AFG1L: variants seen among roughly 807,000 people sequenced by gnomAD.
The protein encoded by AFG1L is AFG1 like ATPase.
In AFG1L, 53 loss-of-function variants were observed where a neutral mutation model predicts 62.2. That is an observed-to-expected ratio of 0.85 (90% CI 0.68 to 1.07). The LOEUF (loss-of-function observed/expected upper bound fraction) is 1.07, where lower values mean the gene tolerates loss of function less well. AFG1L is among the 50% of genes least tolerant of loss of function. The pLI is 0.00. For synonymous variants in AFG1L, 228 were observed against 210.3 expected, an observed-to-expected ratio of 1.08 and a Z score of -0.73; for missense variants, 555 against 590.5, an observed-to-expected ratio of 0.94 and a Z score of 0.62.
At chr6:108,310,979 A>G (rs1015037190) in intron 1 of AFG1L, among the ~76,000 whole-genome samples, 1 of 152,160 alleles carries the variant, frequency 6.6e-6, no homozygotes, top group Non-Finnish European at 1.5e-5. Context: ...ATGCTGAAAG[A>G]TTAAGATAGT....
chr6:108,429,826 C>T (rs1389356255), intron 7 of AFG1L, among the ~76,000 whole-genome samples: 1 of 151,904 alleles, frequency 6.6e-6, no homozygotes, highest in African/African-American at 2.4e-5. Context: ...CTTTGCTGCC[C>T]AAAGCAATTC....
At position 108,465,808 on chromosome 6, in the gene AFG1L, TTTTG is replaced by T. The variant is rs1418663827; in HGVS notation, c.891-11053_891-11050del. 6.6e-5 allele frequency among the ~76,000 whole-genome samples: 10 copies of T among 152,156 alleles called. 1 individual carries two copies. The highest frequency in any genetic ancestry group is 3.8e-4 in the East Asian group (2 of 5,198). ...TGAGAAAATGTTTCTAGATTAACTA[TTTTG>T]TTTATTTTTAATTTTTAATTAGTTC... On this transcript the variant is annotated intron_variant, in intron 8 of 12. Coordinates refer to ENST00000368977, the MANE Select transcript of AFG1L (RefSeq NM_145315.5).
rs147235452 is a variant in AFG1L at position 108,438,526 on chromosome 6, C to G, written c.808-8688C>G. ...TTTCAACATGAATTTTGGGGAGATG[C>G]AATTAAGCCCATAATATTACTTTTT... is the stretch of plus-strand genomic sequence containing the variant. On this transcript the variant is annotated intron_variant, in intron 7 of 12. Coordinates refer to ENST00000368977, the MANE Select transcript of AFG1L (RefSeq NM_145315.5). 6.5e-3 allele frequency among the ~76,000 whole-genome samples: 985 copies of G among 152,132 alleles called. 5 individuals carry two copies. The highest frequency in any genetic ancestry group is 0.019 in the African/African-American group (808 of 41,504).
chr6:108,326,943 G>A (rs954085696), intron 2 of AFG1L, among the ~76,000 whole-genome samples: 4 of 150,684 alleles, frequency 2.7e-5, no homozygotes, highest in East Asian at 1.9e-4. Flanking sequence ...GTGAGACTCC[G>A]TCTCAAAAAA....
intron 6 of AFG1L, among the ~76,000 whole-genome samples, chr6:108,371,271 ATGT>A (rs1271316490): frequency 3.9e-5 from 6 of 152,296 alleles, no homozygotes; most frequent in African/African-American, 1.4e-4. Context: ...GACACTAGAA[ATGT>A]TGTTTAAAAT....
chr6:108,421,945 G>C (rs917107946), intron 7 of AFG1L, among the ~76,000 whole-genome samples: 2 of 152,058 alleles, frequency 1.3e-5, no homozygotes, highest in Non-Finnish European at 2.9e-5. Flanking sequence ...ACATGAAAAA[G>C]ATGCTTGCTA....
chr6:108,417,049 A>C (rs550285519), intron 7 of AFG1L, among the ~76,000 whole-genome samples: 8 of 151,936 alleles, frequency 5.3e-5, no homozygotes, highest in African/African-American at 1.9e-4. Flanking sequence ...CCTGGGCAAC[A>C]TGGCAAGACC....
At position 108,454,035 on chromosome 6, in the gene AFG1L, G is replaced by A. The variant is rs1772160833; in HGVS notation, c.890+6739G>A. Among the ~76,000 whole-genome samples the A allele has an allele frequency of 1.3e-5, 2 of 152,186 alleles. 1 individual carries two copies. The highest frequency in any genetic ancestry group is 4.1e-4 in the South Asian group (2 of 4,830). ...GTTGTGCTAGACTGCCCAGAGTCCT[G>A]TAGCAGGCAGTATGCACACCCCATT... On this transcript the variant is annotated intron_variant, in intron 8 of 12. Transcript: ENST00000368977.
chr6:108,317,989 A>G (rs1777671556), intron 1 of AFG1L: 1 of 153,132 alleles, frequency 6.5e-6, no homozygotes, highest in Non-Finnish European at 1.5e-5. Flanking sequence ...CTTCAGGAGA[A>G]TTTTATTTGT....
chr6:108,346,503 C>T (rs1478636723), intron 2 of AFG1L, among the ~76,000 whole-genome samples: 3 of 152,060 alleles, frequency 2.0e-5, no homozygotes, highest in African/African-American at 7.2e-5. Context: ...GTAACTGGGA[C>T]CACAGGCGCA....
At chr6:108,371,996 A>G (rs575896672) in intron 6 of AFG1L, among the ~76,000 whole-genome samples, 1 of 152,074 alleles carries the variant, frequency 6.6e-6, no homozygotes, top group East Asian at 1.9e-4. Context: ...GGGCTCAAGT[A>G]GTTCTCCCTC....
chr6:108,441,479 T>C (rs1034280755), intron 7 of AFG1L, among the ~76,000 whole-genome samples: 4 of 152,020 alleles, frequency 2.6e-5, no homozygotes, highest in African/African-American at 9.7e-5. Context: ...AAATAAATTT[T>C]GTTTGCTGGC....
Position 108,470,287 on chromosome 6 carries a change from C to T in AFG1L, c.891-6578C>T, listed in dbSNP as rs545007385. 4.6e-5 allele frequency among the ~76,000 whole-genome samples: 7 copies of T among 152,326 alleles called. No individual in the cohort carries two copies. The South Asian group carries it at 1.5e-3, about 32-fold the overall frequency. ...TTCCCAAGGGGAAGGCAGGGAAAGG[C>T]TCTTATCACACATACTATACCCAAA... On this transcript the variant is annotated intron_variant, in intron 8 of 12. Transcript: ENST00000368977.
chr6:108,408,163 GT>G (rs1229298205), intron 7 of AFG1L, among the ~76,000 whole-genome samples: 1 of 145,622 alleles, frequency 6.9e-6, no homozygotes, highest in African/African-American at 2.5e-5. Context: ...GTCTCACTCT[GT>G]TGCCCAGGCT....
At chr6:108,500,192 G>GTGTGTGTGTGTGTGTGTGTT (rs1370190076) in intron 10 of AFG1L, among the ~76,000 whole-genome samples, 3 of 151,176 alleles carry the variant, frequency 2.0e-5, no homozygotes, top group African/African-American at 7.3e-5. Flanking sequence ...GTGTGTGTGT[G>GTGTGTGTGTGTGTGTGTGTT]TGTGTGTGTG....
chr6:108,325,102 G>T (rs1010126640), intron 2 of AFG1L, among the ~76,000 whole-genome samples: 7 of 152,168 alleles, frequency 4.6e-5, no homozygotes, highest in Admixed American at 4.6e-4. Context: ...TCAGCCTCCT[G>T]TCCTCAGACT....
chr6:108,330,677 A>C (rs1778243644), intron 2 of AFG1L, among the ~76,000 whole-genome samples: 1 of 152,106 alleles, frequency 6.6e-6, no homozygotes, highest in African/African-American at 2.4e-5. Context: ...ATCACTCAAG[A>C]ACTTAAGTTG....
At chr6:108,408,473 G>C (rs1781962301) in intron 7 of AFG1L, among the ~76,000 whole-genome samples, 1 of 152,128 alleles carries the variant, frequency 6.6e-6, no homozygotes, top group Non-Finnish European at 1.5e-5. Flanking sequence ...GCATTTTCCT[G>C]TGCTGAACTC....
chr6:108,388,064 G>C (rs1259227066), intron 6 of AFG1L: 1 of 152,136 alleles, frequency 6.6e-6, no homozygotes, highest in Non-Finnish European at 1.5e-5. Flanking sequence ...TAGAGGCAAA[G>C]TGGAAGCTAT....
Sources: allele counts gnomAD v4.1 joint callset (sites outside exome capture counted in the v4.1 genomes callset), GRCh38; gene constraint gnomAD v4.1.1; transcripts MANE v1.5; gene names NCBI Gene and HGNC (gene_info 2026-07-23, HGNC 2026-07-21).